INPP4A: variants seen among roughly 807,000 people sequenced by gnomAD.
The protein encoded by INPP4A is inositol polyphosphate-4-phosphatase type I A.
A neutral mutation model predicts 119.8 loss-of-function variants in INPP4A; 33 were observed. That is an observed-to-expected ratio of 0.28 (90% CI 0.21 to 0.37). The LOEUF (loss-of-function observed/expected upper bound fraction) is 0.37. INPP4A is among the 10% of genes least tolerant of loss of function. INPP4A has a pLI of 1.00. For synonymous variants in INPP4A, 496 were observed against 500.7 expected, an observed-to-expected ratio of 0.99 and a Z score of 0.12; for missense variants, 956 against 1,289.9, an observed-to-expected ratio of 0.74 and a Z score of 3.97.
Position 98,544,041 on chromosome 2 carries a change from G to A in INPP4A, c.949+34G>A, listed in dbSNP as rs769129183. On this transcript the variant is annotated intron_variant, in intron 11 of 24. Transcript: ENST00000409851. ...ACCCCCATGCTGTCACCACACACGC[G>A]TGCGCACACACACACACACACACTC... is the stretch of plus-strand genomic sequence containing the variant. 1.4e-5 allele frequency: 21 copies of A among 1,529,624 alleles called. No homozygotes were observed. In the Middle Eastern group the frequency reaches 6.8e-4, roughly 50 times the overall value. The allele number at this position is 1,529,624 out of a possible 1,614,324, so 94.8% of individuals were successfully genotyped here. A position where few individuals can be genotyped will look rare whatever the true frequency, so the allele number is the denominator to read the frequency against.
intron 1 of INPP4A, among the ~76,000 whole-genome samples, chr2:98,487,443 A>G (rs934061807): frequency 3.3e-5 from 5 of 152,090 alleles, no homozygotes; most frequent in Admixed American, 6.5e-5. Flanking sequence ...TGTTGCCTAC[A>G]CTGGTCTCAA....
At chr2:98,451,595 C>G (rs934457671) in intron 1 of INPP4A, among the ~76,000 whole-genome samples, 15 of 152,148 alleles carry the variant, frequency 9.9e-5, no homozygotes, top group Non-Finnish European at 2.9e-5. Flanking sequence ...CTGATGTCTC[C>G]TGAAAACCCC....
At position 98,539,636 on chromosome 2, in the gene INPP4A, G is replaced by A. The variant is rs755959497; in HGVS notation, c.779G>A (p.Arg260Gln). ...AGCGTGCTCTCCCTGCACGTGCCCC[G>A]GCAGTTCGTGAAGCTCCTACTAGAG... ...AESVLSLHVP[R>Q]QFVKLLLEED... Residue 260 changes from arginine to glutamine, a missense_variant, in exon 10 of 25, where the codon CGG becomes CAG. Physicochemically the swap from Arg to Gln is conservative, Grantham distance 43 (BLOSUM62 1). Coordinates refer to ENST00000409851, the MANE Select transcript of INPP4A (RefSeq NM_001134225.2). 3.7e-6 allele frequency: 6 copies of A among 1,610,278 alleles called. No individual in the cohort carries two copies. Among genetic ancestry groups the A allele is most frequent in the Admixed American group, 3.4e-5 (2 of 59,624 alleles).
At chr2:98,497,079 G>A (rs966020193) in intron 1 of INPP4A, among the ~76,000 whole-genome samples, 3 of 152,218 alleles carry the variant, frequency 2.0e-5, no homozygotes, top group African/African-American at 7.2e-5. Context: ...TGGACTTGGT[G>A]CCCTGTGTCC....
rs866528542 is a variant in INPP4A, at chr2:98,500,442, T to C, written c.-165-18522T>C. Among the ~76,000 whole-genome samples the C allele has an allele frequency of 7.9e-5, 12 of 152,260 alleles. No homozygotes were observed. The Middle Eastern group carries it at 0.014, about 173-fold the overall frequency. ...GTCTCCCAAAGGGCATGTCTGCTGT[T>C]CCAGAGAAAAGTCATTCAGTGATAC... On this transcript the variant is annotated intron_variant, in intron 1 of 24. Transcript: ENST00000409851.
intron 4 of INPP4A, among the ~76,000 whole-genome samples, chr2:98,532,513 G>A (rs2105907973): frequency 6.6e-6 from 1 of 152,274 alleles, no homozygotes; most frequent in African/African-American, 2.4e-5. Context: ...GCTACGTTCT[G>A]TCAAATGTGT....
At chr2:98,448,037 ACT>A (rs1694513692) in intron 1 of INPP4A, among the ~76,000 whole-genome samples, 1 of 120,448 alleles carries the variant, frequency 8.3e-6, no homozygotes, top group Non-Finnish European at 1.7e-5. Flanking sequence ...ACAGAGTGAG[ACT>A]CTGTCTCAAA....
intron 13 of INPP4A, chr2:98,549,076 G>T (rs1693011143): frequency 9.1e-6 from 9 of 992,128 alleles, no homozygotes; most frequent in Non-Finnish European, 1.2e-5. Flanking sequence ...CTGCGGTGCT[G>T]CCATGGTTCC....
Position 98,450,288 on chromosome 2 carries a change from C to T in INPP4A, c.-166+5203C>T, listed in dbSNP as rs375251382. Among the ~76,000 whole-genome samples, 7 of 152,204 alleles carry T rather than the reference C, an allele frequency of 4.6e-5. No individual in the cohort carries two copies. The East Asian group carries it at 1.2e-3, about 25-fold the overall frequency. ...CTGGGACTAAAACCCAGTTATATCA[C>T]CTAACTTCCTTCACAGGATTGAAAA... On this transcript the variant is annotated intron_variant, in intron 1 of 24. Coordinates refer to ENST00000409851, the MANE Select transcript of INPP4A (RefSeq NM_001134225.2).
chr2:98,571,418 G>C (rs1168376644), intron 22 of INPP4A, among the ~76,000 whole-genome samples: 1 of 152,244 alleles, frequency 6.6e-6, no homozygotes, highest in Non-Finnish European at 1.5e-5. Context: ...GGGGGCGCGT[G>C]CTGAGGCCTG....
chr2:98,555,060 C>A (rs1231467971), intron 15 of INPP4A, among the ~76,000 whole-genome samples: 2 of 152,218 alleles, frequency 1.3e-5, no homozygotes, highest in African/African-American at 2.4e-5. Context: ...CATTGTTCTA[C>A]AAGCACTGAA....
At chr2:98,449,602 G>C (rs1694876730) in intron 1 of INPP4A, among the ~76,000 whole-genome samples, 1 of 152,176 alleles carries the variant, frequency 6.6e-6, no homozygotes, top group Non-Finnish European at 1.5e-5. Flanking sequence ...TCTCCAAAGA[G>C]TCCTGGTTTC....
intron 9 of INPP4A, 119 bp downstream of exon 9, chr2:98,539,100 C>T: frequency 1.7e-6 from 1 of 582,140 alleles, no homozygotes; most frequent in Non-Finnish European, 3.1e-6. Context: ...ATTGTCACCT[C>T]TCTGCTGCTT....
In INPP4A at chr2:98,546,936, C is replaced by T. The variant is rs1692582153; in HGVS notation, c.1163+242C>T. On this transcript the variant is annotated intron_variant, in intron 13 of 24. Coordinates refer to ENST00000409851, the MANE Select transcript of INPP4A (RefSeq NM_001134225.2). This position sits in a 1 kb window ranked among gnomAD's most constrained non-coding sequence, Gnocchi z 4.2. ...AAAATGAGGAGCAGATTGTGATCCA[C>T]CTCAGAAGTGGTGCTCCAGGCAACC... Among the ~76,000 whole-genome samples the T allele has an allele frequency of 6.6e-6, 1 of 152,176 alleles. No homozygotes were observed. The highest frequency in any genetic ancestry group is 1.5e-5 in the Non-Finnish European group (1 of 68,040).
chr2:98,542,260 C>T (rs1237231911), intron 10 of INPP4A, among the ~76,000 whole-genome samples: 1 of 152,258 alleles, frequency 6.6e-6, no homozygotes, highest in Admixed American at 6.5e-5. Context: ...CGGCTGGCCA[C>T]GTAGCCCTAC....
rs1700398303 is a variant in INPP4A, at chr2:98,591,418, A to G, written c.*3810A>G. 6.6e-6 allele frequency: 1 copy of G among 152,172 alleles called. No individual in the cohort carries two copies. Among genetic ancestry groups the G allele is most frequent in the South Asian group, 2.1e-4 (1 of 4,824 alleles). The allele number at this position is 152,172 out of a possible 1,614,324, so 9.4% of individuals were successfully genotyped here. ...TTCAGTCCTACATTTAGATCAATCCATCTGGAATCATCTTGGTGTAAGTCC... is the reference window on the plus strand; with the variant it reads ...TTCAGTCCTACATTTAGATCAATCCGTCTGGAATCATCTTGGTGTAAGTCC... On this transcript the variant is annotated 3_prime_UTR_variant, in exon 25 of 25. Coordinates refer to ENST00000409851, the MANE Select transcript of INPP4A (RefSeq NM_001134225.2).
At chr2:98,537,166 A>G (rs1445357517) in intron 7 of INPP4A, among the ~76,000 whole-genome samples, 1 of 152,238 alleles carries the variant, frequency 6.6e-6, no homozygotes. Context: ...AGGAAATCAC[A>G]AAGGAAATGG....
intron 16 of INPP4A, 141 bp from the exon 17 acceptor site, chr2:98,559,322 G>A: frequency 1.1e-6 from 1 of 883,072 alleles, no homozygotes. Flanking sequence ...GGAAGAGGCA[G>A]CCAGGCACCC....
At chr2:98,534,690 C>T (rs1057473871) in intron 5 of INPP4A, among the ~76,000 whole-genome samples, 3 of 152,250 alleles carry the variant, frequency 2.0e-5, no homozygotes, top group Non-Finnish European at 2.9e-5. Context: ...CCTTGAAGGC[C>T]GTGGAGTTTA....
Sources: gnomAD v4.1 joint callset for allele counts (sites outside exome capture counted in the v4.1 genomes callset) on GRCh38, gnomAD v4.1.1 for gene constraint, Gnocchi (gnomAD v3.1) non-coding constraint, MANE v1.5 for transcripts, NCBI Gene and HGNC (gene_info 2026-07-23, HGNC 2026-07-21) for gene names.